The following DLG1 variants were observed in gnomAD, a reference collection of about 807,000 sequenced individuals.
DLG1 encodes disks large homolog 1.
In DLG1, 42 loss-of-function variants were observed where a neutral mutation model predicts 123.4. The ratio of observed to expected loss-of-function variants is 0.34; its 90% CI spans 0.27 to 0.44. The LOEUF (loss-of-function observed/expected upper bound fraction) is 0.44, where lower values mean the gene tolerates loss of function less well. DLG1 is among the 20% of genes least tolerant of loss of function. The pLI is 1.00. For missense variants in DLG1, 942 were observed against 1,082.6 expected (o/e 0.87, Z 1.82); for synonymous variants, 317 against 356.2 (o/e 0.89, Z 1.24).
chr3:197,061,492 A>G (rs13327482), intron 22 of DLG1, among the ~76,000 whole-genome samples: 25,457 of 152,244 alleles, frequency 0.17, 2,258 homozygotes, highest in Middle Eastern at 0.19. Flanking sequence ...GAGTAAAAAA[A>G]TGTCCTGGTC....
At chr3:197,264,947 A>G (rs936943149) in intron 4 of DLG1, among the ~76,000 whole-genome samples, 1 of 152,162 alleles carries the variant, frequency 6.6e-6, no homozygotes, top group Non-Finnish European at 1.5e-5. Flanking sequence ...ACCCCTTACT[A>G]TATTATTTTT....
At position 197,092,258 on chromosome 3, in the gene DLG1, C is replaced by T. The variant is rs189092391; in HGVS notation, c.1547-1232G>A. Among the ~76,000 whole-genome samples the T allele has an allele frequency of 3.4e-3, 519 of 152,224 alleles. 5 individuals carry two copies. Among genetic ancestry groups the T allele is most frequent in the Middle Eastern group, 6.8e-3 (2 of 294 alleles). On this transcript the variant is annotated intron_variant, in intron 14 of 24. Transcript: ENST00000667157. ...AAAAATTAGGACCACTGGGTTTTTA[C>T]TTAAGCTCTCCTATTTTAGCGTTGT...
chr3:197,195,292 TAA>T (rs1412487490), intron 4 of DLG1, among the ~76,000 whole-genome samples: 1 of 143,232 alleles, frequency 7.0e-6, no homozygotes, highest in African/African-American at 2.5e-5. Context: ...ATCAATGATT[TAA>T]AAAAAAAAAA....
chr3:197,279,187 G>C (rs1484582778), intron 4 of DLG1, among the ~76,000 whole-genome samples: 3 of 152,114 alleles, frequency 2.0e-5, no homozygotes, highest in African/African-American at 7.2e-5. Context: ...GGGTGAAAGG[G>C]AACATGCTTA....
intron 6 of DLG1, among the ~76,000 whole-genome samples, chr3:197,145,887 G>A (rs1490509092): frequency 6.6e-6 from 1 of 151,854 alleles, no homozygotes; most frequent in Non-Finnish European, 1.5e-5. Flanking sequence ...GTAGGGTGGG[G>A]GCTGAGACAG....
At chr3:197,261,423 C>G (rs975279013) in intron 4 of DLG1, among the ~76,000 whole-genome samples, 1 of 152,210 alleles carries the variant, frequency 6.6e-6, no homozygotes, top group African/African-American at 2.4e-5. Context: ...GCCTGGGCAA[C>G]AGGGTGAGAT....
rs1213866243 is a variant in DLG1, at chr3:197,091,977, C to G, written c.1547-951G>C. On this transcript the variant is annotated intron_variant, in intron 14 of 24. Coordinates refer to ENST00000667157, the MANE Select transcript of DLG1 (RefSeq NM_001366207.1). ...TTACGGATAATAAGCTCAACTGAAGCAACAATTCATCAAAAAGCTTAGAAA... is the reference window on the plus strand; with the variant it reads ...TTACGGATAATAAGCTCAACTGAAGGAACAATTCATCAAAAAGCTTAGAAA... Among the ~76,000 whole-genome samples the G allele has an allele frequency of 2.6e-5, 4 of 152,176 alleles. No individual in the cohort carries two copies. In the East Asian group the frequency reaches 7.7e-4, roughly 29 times the overall value.
chr3:197,283,634 C>T (rs1473495016), intron 3 of DLG1, among the ~76,000 whole-genome samples: 4 of 152,130 alleles, frequency 2.6e-5, no homozygotes, highest in East Asian at 1.9e-4. Context: ...AGTTATATAA[C>T]GCTTAGATTC....
chr3:197,153,328 T>C (rs1304122433), intron 5 of DLG1, among the ~76,000 whole-genome samples: 4 of 152,200 alleles, frequency 2.6e-5, no homozygotes, highest in Non-Finnish European at 5.9e-5. Flanking sequence ...GTGTCTGATG[T>C]AGATGTTTTG....
At chr3:197,260,750 C>CA (rs570596943) in intron 4 of DLG1, among the ~76,000 whole-genome samples, 901 of 18,318 alleles carry the variant, frequency 0.049, 76 homozygotes, top group Non-Finnish European at 0.061. Flanking sequence ...TGACAACCAC[C>CA]AAAAAAAAAA....
At chr3:197,159,319 C>A (rs1797829722) in intron 5 of DLG1, among the ~76,000 whole-genome samples, 3 of 152,190 alleles carry the variant, frequency 2.0e-5, no homozygotes, top group Admixed American at 1.3e-4. Flanking sequence ...AAGTGTTCTA[C>A]AAATCATGAA....
At chr3:197,155,487 A>G (rs1795967253) in intron 5 of DLG1, among the ~76,000 whole-genome samples, 2 of 152,248 alleles carry the variant, frequency 1.3e-5, no homozygotes, top group South Asian at 4.1e-4. Context: ...ACTCAAAGTC[A>G]TATGAAGAAA....
intron 5 of DLG1, chr3:197,183,720 G>C (rs1458600223): frequency 3.2e-6 from 5 of 1,550,454 alleles, no homozygotes; most frequent in Admixed American, 3.9e-5. Context: ...TTTCTGCTTT[G>C]GGCCTGCTGA....
intron 16 of DLG1, among the ~76,000 whole-genome samples, chr3:197,081,863 G>GT (rs1222162168): frequency 6.6e-6 from 1 of 152,056 alleles, no homozygotes; most frequent in Non-Finnish European, 1.5e-5. Context: ...AATGAAACAA[G>GT]TTTTTATGTA....
At chr3:197,270,445 A>G (rs142657453) in intron 4 of DLG1, among the ~76,000 whole-genome samples, 1 of 152,344 alleles carries the variant, frequency 6.6e-6, no homozygotes, top group African/African-American at 2.4e-5. Context: ...TCATTAAAAG[A>G]AAGTAATGTA....
At chr3:197,155,400 T>C (rs534635307) in intron 5 of DLG1, among the ~76,000 whole-genome samples, 6 of 152,246 alleles carry the variant, frequency 3.9e-5, no homozygotes, top group African/African-American at 1.4e-4. Context: ...CTGAGGGAGT[T>C]TGTTATCACT....
chr3:197,280,710 T>C (rs373870298), intron 4 of DLG1, among the ~76,000 whole-genome samples: 5 of 152,296 alleles, frequency 3.3e-5, no homozygotes, highest in South Asian at 2.1e-4. Flanking sequence ...AAGGGTATCA[T>C]AAATCGGACA....
chr3:197,264,419 A>C (rs2150987093), intron 4 of DLG1, among the ~76,000 whole-genome samples: 1 of 152,120 alleles, frequency 6.6e-6, no homozygotes, highest in Middle Eastern at 3.4e-3. Flanking sequence ...AGCATTTCAG[A>C]TTTTGTTATC....
chr3:197,140,716 G>T (rs1787526461), intron 7 of DLG1, among the ~76,000 whole-genome samples: 1 of 152,170 alleles, frequency 6.6e-6, no homozygotes, highest in Non-Finnish European at 1.5e-5. Flanking sequence ...AAAAAAGGGG[G>T]TGGCGATGGT....
Sources: gnomAD v4.1 joint callset for allele counts (sites outside exome capture counted in the v4.1 genomes callset) on GRCh38, gnomAD v4.1.1 for gene constraint, MANE v1.5 for transcripts, NCBI Gene and HGNC (gene_info 2026-07-23, HGNC 2026-07-21) for gene names.